USP28: variants seen among roughly 807,000 people sequenced by gnomAD.
USP28 encodes ubiquitin carboxyl-terminal hydrolase 28.
In USP28, 113 loss-of-function variants were observed where a neutral mutation model predicts 145.0. The ratio of observed to expected loss-of-function variants is 0.78; its 90% confidence interval spans 0.67 to 0.91. USP28 has a LOEUF of 0.91. USP28 is among the 40% of genes least tolerant of loss of function. The pLI is 0.00. For synonymous variants in USP28, 447 were observed against 450.9 expected (o/e 0.99, Z 0.11); for missense variants, 1,201 against 1,289.6 (o/e 0.93, Z 1.05).
At chr11:113,857,950 C>T (rs1395787928) in intron 1 of USP28, among the ~76,000 whole-genome samples, 1 of 152,078 alleles carries the variant, frequency 6.6e-6, no homozygotes, top group Admixed American at 6.6e-5. Flanking sequence ...ACTGCAGCCT[C>T]GGCATCCCAG....
chr11:113,873,544 C>T (rs554475879), intron 1 of USP28, among the ~76,000 whole-genome samples: 166 of 152,268 alleles, frequency 1.1e-3, no homozygotes, highest in Non-Finnish European at 2.1e-3. Context: ...AATGAAGATG[C>T]CACTGATTAA....
At chr11:113,809,306 T>G in intron 16 of USP28, 52 bp from the exon 17 acceptor site, 2 of 1,535,668 alleles carry the variant, frequency 1.3e-6, no homozygotes, top group Non-Finnish European at 1.8e-6. Context: ...GAAAACATCC[T>G]TTTTAGAAAA....
intron 5 of USP28, among the ~76,000 whole-genome samples, chr11:113,836,221 C>T (rs1461124642): frequency 6.6e-6 from 1 of 152,188 alleles, no homozygotes; most frequent in Non-Finnish European, 1.5e-5. Flanking sequence ...CTCCCCCAGT[C>T]ACCAAAGTTT....
chr11:113,870,158 G>A (rs1159401674), intron 1 of USP28, among the ~76,000 whole-genome samples: 3 of 152,130 alleles, frequency 2.0e-5, no homozygotes, highest in Admixed American at 6.5e-5. Context: ...GCGAAACTCC[G>A]TCTCAAAAAA....
intron 1 of USP28, among the ~76,000 whole-genome samples, chr11:113,854,954 T>C (rs1247606206): frequency 1.3e-5 from 2 of 152,214 alleles, no homozygotes; most frequent in South Asian, 2.1e-4. Flanking sequence ...AAGTAGGGCA[T>C]ATAAGGAGTC....
intron 15 of USP28, chr11:113,813,613 T>C (rs1941312341): frequency 2.6e-6 from 1 of 384,372 alleles, no homozygotes; most frequent in Non-Finnish European, 4.6e-6. Context: ...AAGTAATTTT[T>C]ATTAGTATCT....
chr11:113,844,922 T>C (rs951713562), intron 3 of USP28, among the ~76,000 whole-genome samples: 4 of 151,916 alleles, frequency 2.6e-5, no homozygotes, highest in Admixed American at 2.0e-4. Context: ...CTGGGCAATG[T>C]GGCGAAACCT....
chr11:113,858,023 G>T (rs141172641), intron 1 of USP28, among the ~76,000 whole-genome samples: 1 of 151,970 alleles, frequency 6.6e-6, no homozygotes. Context: ...CCACCACCAC[G>T]CCCAGCTAGT....
At chr11:113,866,463 C>T (rs1948258036) in intron 1 of USP28, among the ~76,000 whole-genome samples, 1 of 152,032 alleles carries the variant, frequency 6.6e-6, no homozygotes, top group Non-Finnish European at 1.5e-5. Flanking sequence ...ACGAGACAAC[C>T]CAATTCAAAA....
chr11:113,852,595 G>C lies in USP28; in HGVS notation c.174C>G (p.Leu58=). ...TGGGCTCCTTAACTCTCTCATCAGT[G>C]AGAAGGCTGACTGCCTGAGTAATGT... Residue 58 remains leucine (L), a synonymous_variant, in exon 3 of 25, where the codon CTC becomes CTG. Transcript: ENST00000003302. 1.9e-6 allele frequency: 3 copies of C among 1,614,124 alleles called. No individual in the cohort carries two copies. The South Asian group carries it at 3.3e-5, about 18-fold the overall frequency.
chr11:113,813,527 T>G (rs1055537499), intron 15 of USP28, among the ~76,000 whole-genome samples: 1 of 152,252 alleles, frequency 6.6e-6, no homozygotes, highest in Non-Finnish European at 1.5e-5. Context: ...TGAAGAATCA[T>G]GGAACTTTGG....
chr11:113,845,584 G>A (rs1362889139), intron 3 of USP28, among the ~76,000 whole-genome samples: 1 of 152,132 alleles, frequency 6.6e-6, no homozygotes, highest in Admixed American at 6.5e-5. Flanking sequence ...CTAAAGCAGG[G>A]TCTTTTTTTG....
chr11:113,844,502 C>T (rs1218620248), intron 3 of USP28, among the ~76,000 whole-genome samples: 1 of 69,284 alleles, frequency 1.4e-5, no homozygotes, highest in East Asian at 3.8e-4. Flanking sequence ...ATTTGCAAAA[C>T]ATGCATCTGA....
At chr11:113,824,386 C>T (rs572739493) in intron 11 of USP28, among the ~76,000 whole-genome samples, 9 of 152,062 alleles carry the variant, frequency 5.9e-5, no homozygotes, top group Non-Finnish European at 8.8e-5. Flanking sequence ...GGCGCAATCT[C>T]GGCTCACTGT....
chr11:113,807,274 A>G (rs1003021854), intron 18 of USP28, among the ~76,000 whole-genome samples: 2 of 152,110 alleles, frequency 1.3e-5, no homozygotes, highest in African/African-American at 4.8e-5. Flanking sequence ...GGGTTTCACC[A>G]TGTTGGCCAG....
exon 1 of USP28, chr11:113,875,449 C>G (rs1282472757): frequency 8.0e-7 from 1 of 1,249,740 alleles, no homozygotes; most frequent in Admixed American, 3.6e-5. Flanking sequence ...GCCCACCGAG[C>G]CGTGGCCGTC....
At position 113,812,431 on chromosome 11, in the gene USP28, T is replaced by C. The variant is rs892902118; in HGVS notation, c.1817A>G (p.Tyr606Cys). ...GAGCCAGCTCTGTCGGGGTTGATTATAGATATAGGCCCAATAGTGTCCAGC... is the reference window on the plus strand; with the variant it reads ...GAGCCAGCTCTGTCGGGGTTGATTACAGATATAGGCCCAATAGTGTCCAGC... The change falls in exon 16 of 25, where the codon TAT becomes TGT. Residue 606 changes from tyrosine to cysteine, a missense_variant. Physicochemically the swap from Tyr to Cys is radical, Grantham distance 194. Transcript: ENST00000003302. The C allele has an allele frequency of 5.6e-6, 9 of 1,614,048 alleles. No individual in the cohort carries two copies. In the East Asian group the frequency reaches 1.3e-4, roughly 24 times the overall value.
intron 4 of USP28, 33 bp from the exon 5 acceptor site, chr11:113,840,790 G>C: frequency 6.3e-7 from 1 of 1,587,768 alleles, no homozygotes; most frequent in Non-Finnish European, 8.6e-7. Context: ...CAGCAAAAAA[G>C]AAAATAGTTA....
exon 23 of USP28, chr11:113,803,185 A>G (rs143608329): frequency 6.2e-7 from 1 of 1,614,136 alleles, no homozygotes; most frequent in Non-Finnish European, 8.5e-7. Flanking sequence ...GGTATAAAGC[A>G]ATCACGGATT....
Sources: gnomAD v4.1 joint callset for allele counts (sites outside exome capture counted in the v4.1 genomes callset) on GRCh38, gnomAD v4.1.1 for gene constraint, MANE v1.5 for transcripts, NCBI Gene and HGNC (gene_info 2026-07-23, HGNC 2026-07-21) for gene names.